The following LAMP3 variants were observed in gnomAD, a reference collection of about 807,000 sequenced individuals.
The protein encoded by LAMP3 is lysosome-associated membrane glycoprotein 3.
A neutral mutation model predicts 34.8 loss-of-function variants in LAMP3; 26 were observed. The observed-to-expected ratio is 0.75, with a 90% CI of 0.55 to 1.04. The LOEUF is 1.04. Among genes scored for constraint, LAMP3 ranks in the 50% least tolerant of loss-of-function variants. LAMP3 has a pLI of 0.00. For synonymous variants in LAMP3, 180 were observed against 201.9 expected (o/e 0.89, Z 0.92); for missense variants, 495 against 524.0 (o/e 0.94, Z 0.54).
Position 183,135,802 on chromosome 3 carries a change from G to C in LAMP3, c.1032C>G (p.Ser344Arg). ...CCTGCAGGTGGGCTGACAACTGGAG[G>C]CTCTGTTCACTCACGCACTTGAAGG... is the stretch of plus-strand genomic sequence containing the variant. ...GHSFKCVSEQ[S>R]LQLSAHLQVK... The change falls in exon 5 of 6, where the codon AGC (serine) becomes AGG (arginine). Residue 344 changes from serine to arginine, a missense_variant. Ser to Arg is a moderately radical substitution (Grantham distance 110). Transcript: ENST00000265598. 4 of 1,613,954 alleles carry C rather than the reference G, an allele frequency of 2.5e-6. No homozygotes were observed. Among genetic ancestry groups the C allele is most frequent in the Non-Finnish European group, 3.4e-6 (4 of 1,179,800 alleles).
chr3:183,149,692 T>G (rs1720571456), intron 3 of LAMP3, among the ~76,000 whole-genome samples: 1 of 150,370 alleles, frequency 6.7e-6, no homozygotes, highest in Non-Finnish European at 1.5e-5. Context: ...AAATAATTTA[T>G]TGTACATTTT....
rs1263224391 is a variant in LAMP3 at position 183,162,598 on chromosome 3, G to A, written c.49+9C>T. 4.5e-6 allele frequency: 7 copies of A among 1,547,202 alleles called. No individual in the cohort carries two copies. Among genetic ancestry groups the A allele is most frequent in the East Asian group, 4.9e-5 (2 of 40,876 alleles). On this transcript the variant is annotated intron_variant, in intron 1 of 5. Coordinates refer to ENST00000265598, the MANE Select transcript of LAMP3 (RefSeq NM_014398.4). The stretch of plus-strand genomic sequence containing the variant: ...AGGGCCACCGCGGGAAGCGCTGAGG[G>A]CCACTCACCGGCCAGGGACGCGAAG...
At chr3:183,163,092 G>C (rs1317381522), upstream of LAMP3, among the ~76,000 whole-genome samples, 1 of 151,838 alleles carries the variant, frequency 6.6e-6, no homozygotes, top group African/African-American at 2.4e-5. Flanking sequence ...CGAGTAGCTG[G>C]GATTACAGGC....
intron 5 of LAMP3, among the ~76,000 whole-genome samples, chr3:183,124,555 G>A (rs551692906): frequency 4.1e-4 from 62 of 152,218 alleles, no homozygotes; most frequent in African/African-American, 1.4e-3. Flanking sequence ...GAGACCAGCC[G>A]GGCACAGTGG....
chr3:183,148,407 G>T (rs1243239956), intron 3 of LAMP3, among the ~76,000 whole-genome samples: 1 of 152,166 alleles, frequency 6.6e-6, no homozygotes, highest in African/African-American at 2.4e-5. Flanking sequence ...GAAAACGTTT[G>T]CAAACCATCC....
intron 3 of LAMP3, among the ~76,000 whole-genome samples, chr3:183,148,612 A>G (rs574194917): frequency 1.8e-4 from 28 of 152,366 alleles, no homozygotes; most frequent in African/African-American, 6.5e-4. Context: ...ACCACTGATC[A>G]TAAGAGAAAT....
chr3:183,126,715 A>ACC (rs1719789562), intron 5 of LAMP3, among the ~76,000 whole-genome samples: 1 of 152,228 alleles, frequency 6.6e-6, no homozygotes, highest in South Asian at 2.1e-4. Flanking sequence ...ATCCACCAAG[A>ACC]AATGTCATTG....
chr3:183,162,924 G>A, upstream of LAMP3: 2 of 478,662 alleles, frequency 4.2e-6, no homozygotes, highest in Middle Eastern at 5.5e-4. Context: ...CGGCAGCGCC[G>A]GCCTCCTCCG....
At position 183,153,824 on chromosome 3, in the gene LAMP3, G is replaced by A. The variant is rs767077163; in HGVS notation, c.617C>T (p.Ala206Val). The A allele has an allele frequency of 8.1e-6, 13 of 1,603,130 alleles. No homozygotes were observed. The Admixed American group carries it at 8.4e-5, about 10-fold the overall frequency. The part of the protein sequence containing the change: ...AAAHNTTRTA[A>V]PASTVPGPTL... Reference sequence around the variant, plus strand: ...GGGCCCAGGAACCGTGGAGGCAGGTGCAGCTGTGCGGGTGGTATTGTGGGC... The same window carrying A: ...GGGCCCAGGAACCGTGGAGGCAGGTACAGCTGTGCGGGTGGTATTGTGGGC... The change falls in exon 2 of 6, where the codon GCA (alanine) becomes GTA (valine). Residue 206 changes from alanine to valine, a missense_variant. By Grantham distance (64) the Ala-to-Val change is moderately conservative. Coordinates refer to ENST00000265598, the MANE Select transcript of LAMP3 (RefSeq NM_014398.4).
intron 5 of LAMP3, among the ~76,000 whole-genome samples, chr3:183,134,639 G>A (rs515818): frequency 0.56 from 85,126 of 151,822 alleles, 27,944 homozygotes; most frequent in Non-Finnish European, 0.74. Context: ...GTGGGACTCC[G>A]ACAAAGCCTA....
chr3:183,147,643 C>T (rs994461711), intron 3 of LAMP3, among the ~76,000 whole-genome samples: 1 of 150,856 alleles, frequency 6.6e-6, no homozygotes, highest in African/African-American at 2.4e-5. Flanking sequence ...GCTTGCTTTG[C>T]TCATTAGGTT....
At chr3:183,158,622 C>T (rs781406136) in intron 1 of LAMP3, among the ~76,000 whole-genome samples, 8 of 152,068 alleles carry the variant, frequency 5.3e-5, no homozygotes, top group Non-Finnish European at 7.3e-5. Flanking sequence ...CCCCTACAAC[C>T]AGTGGGTGTG....
Position 183,162,590 on chromosome 3 carries a change from C to T in LAMP3, c.49+17G>A, listed in dbSNP as rs372895836. 6.5e-7 allele frequency: 1 copy of T among 1,547,386 alleles called. No homozygotes were observed. The highest frequency in any genetic ancestry group is 8.7e-7 in the Non-Finnish European group (1 of 1,146,194). ...GACACGTCAGGGCCACCGCGGGAAG[C>T]GCTGAGGGCCACTCACCGGCCAGGG... On this transcript the variant is annotated intron_variant, in intron 1 of 5. Coordinates refer to ENST00000265598, the MANE Select transcript of LAMP3 (RefSeq NM_014398.4).
At chr3:183,152,559 G>A in intron 2 of LAMP3, 56 bp from the exon 3 acceptor site, 2 of 1,501,384 alleles carry the variant, frequency 1.3e-6, no homozygotes, top group East Asian at 2.4e-5. Flanking sequence ...CTCTAGCTAG[G>A]GAACCAGATG....
chr3:183,149,238 TA>T (rs776068640), intron 3 of LAMP3, among the ~76,000 whole-genome samples: 2 of 150,638 alleles, frequency 1.3e-5, no homozygotes, highest in Non-Finnish European at 1.5e-5. Context: ...GGTTAATGGG[TA>T]AAAAAAATAT....
chr3:183,148,031 A>G (rs1720498717), intron 3 of LAMP3, among the ~76,000 whole-genome samples: 1 of 152,176 alleles, frequency 6.6e-6, no homozygotes, highest in Non-Finnish European at 1.5e-5. Context: ...CTTTTTTAAA[A>G]TGCAGAAATT....
At chr3:183,140,701 G>A in intron 3 of LAMP3, 106 bp from the exon 4 acceptor site, 1 of 741,348 alleles carries the variant, frequency 1.3e-6, no homozygotes, top group South Asian at 1.6e-5. Context: ...CTGGATATAA[G>A]GGCTGGGGAG....
At chr3:183,152,948 G>A (rs1198566033) in intron 2 of LAMP3, among the ~76,000 whole-genome samples, 3 of 152,170 alleles carry the variant, frequency 2.0e-5, no homozygotes, top group South Asian at 4.2e-4. Flanking sequence ...AGGCCAAGGC[G>A]GGCAGATCAT....
intron 1 of LAMP3, among the ~76,000 whole-genome samples, chr3:183,154,971 G>A (rs2108613107): frequency 6.6e-6 from 1 of 152,270 alleles, no homozygotes; most frequent in East Asian, 1.9e-4. Context: ...CTGGAGTACA[G>A]TGGCACAATC....
Sources: gnomAD v4.1 joint callset for allele counts (sites outside exome capture counted in the v4.1 genomes callset) on GRCh38, gnomAD v4.1.1 for gene constraint, MANE v1.5 for transcripts, NCBI Gene and HGNC (gene_info 2026-07-23, HGNC 2026-07-21) for gene names.